The following GPC6 variants were observed in gnomAD, a reference collection of about 807,000 sequenced individuals.
GPC6 encodes glypican 6.
GPC6 carries 14 observed loss-of-function variants against 55.2 expected under a neutral mutation model. The ratio of observed to expected loss-of-function variants is 0.25; its 90% CI spans 0.17 to 0.40. GPC6 has a LOEUF of 0.40. GPC6 is among the 10% of genes least tolerant of loss of function. The probability of loss-of-function intolerance (pLI) is 1.00; values close to 1 mark genes in which losing one functional copy is unlikely to be tolerated. For missense variants in GPC6, 641 were observed against 708.5 expected (o/e 0.90, Z 1.08); for synonymous variants, 278 against 259.6 (o/e 1.07, Z -0.68).
At chr13:93,760,923 A>C in intron 2 of GPC6, among the ~76,000 whole-genome samples, 1 of 152,206 alleles carries the variant, frequency 6.6e-6, no homozygotes, top group East Asian at 1.9e-4. Context: ...ATTGTTCTTA[A>C]GTGCTTCTTA....
intron 1 of GPC6, among the ~76,000 whole-genome samples, chr13:93,541,514 T>G (rs1293332724): frequency 1.5e-5 from 1 of 67,276 alleles, no homozygotes; most frequent in African/African-American, 5.9e-5. Context: ...TATAGCAGTA[T>G]GATTTATAGT....
chr13:93,930,275 G>GTTTTTTTTTGTTTTT, intron 3 of GPC6, among the ~76,000 whole-genome samples: 1 of 123,854 alleles, frequency 8.1e-6, no homozygotes, highest in African/African-American at 3.2e-5. Context: ...GAAACGAAAG[G>GTTTTTTTTTGTTTTT]TTTTTTTTTT....
intron 4 of GPC6, among the ~76,000 whole-genome samples, chr13:94,044,517 G>T (rs1465272748): frequency 6.6e-6 from 1 of 151,868 alleles, no homozygotes; most frequent in East Asian, 1.9e-4. Flanking sequence ...GTACTTCATT[G>T]TTGAATGCAC....
intron 4 of GPC6, among the ~76,000 whole-genome samples, chr13:94,201,310 G>A (rs534734666): frequency 1.6e-4 from 24 of 152,212 alleles, no homozygotes; most frequent in African/African-American, 5.8e-4. Context: ...GCTGACATTG[G>A]CGCTGCGGGA....
intron 2 of GPC6, among the ~76,000 whole-genome samples, chr13:93,771,607 T>C (rs575285045): frequency 1.3e-5 from 2 of 152,070 alleles, no homozygotes; most frequent in South Asian, 4.1e-4. Flanking sequence ...TAAAATAAAG[T>C]AAATACCTAA....
At chr13:93,360,921 T>A (rs539888472) in intron 1 of GPC6, among the ~76,000 whole-genome samples, 44 of 152,296 alleles carry the variant, frequency 2.9e-4, no homozygotes, top group African/African-American at 9.9e-4. Flanking sequence ...GTGTGGCCAG[T>A]GCTTGAGTTC....
intron 3 of GPC6, among the ~76,000 whole-genome samples, chr13:93,994,319 T>C (rs59683419): frequency 0.026 from 3,998 of 152,276 alleles, 185 homozygotes; most frequent in African/African-American, 0.089. Flanking sequence ...AGGAATATAT[T>C]ACCTTTACAA....
intron 1 of GPC6, among the ~76,000 whole-genome samples, chr13:93,337,163 ACT>A (rs1271000753): frequency 1.3e-5 from 2 of 151,914 alleles, no homozygotes; most frequent in Non-Finnish European, 1.5e-5. Flanking sequence ...TCAACCATTC[ACT>A]CTATCCCAGA....
chr13:93,579,279 T>G lies in GPC6; in HGVS notation c.319+33858T>G, dbSNP rs142590553. On this transcript the variant is annotated intron_variant, in intron 2 of 8. Transcript: ENST00000377047. ...TCCTAGCATAGAGAAAAGATAAATA[T>G]TGAAGGTGATGGATATGCCAATTAT... Among the ~76,000 whole-genome samples, 13 of 152,202 alleles carry G rather than the reference T, an allele frequency of 8.5e-5. 1 individual carries two copies. Among genetic ancestry groups the G allele is most frequent in the Non-Finnish European group, 1.6e-4 (11 of 67,986 alleles).
In GPC6 at chr13:94,094,467, G is replaced by T. The variant is rs544982328; in HGVS notation, c.877+66573G>T. ...ATATTACATATAAAACCTACACATG[G>T]TTTGCTTCAAACTGGTAAGTCACGA... is the stretch of plus-strand genomic sequence containing the variant. On this transcript the variant is annotated intron_variant, in intron 4 of 8. Coordinates refer to ENST00000377047, the MANE Select transcript of GPC6 (RefSeq NM_005708.5). Among the ~76,000 whole-genome samples, 4 of 152,152 alleles carry T rather than the reference G, an allele frequency of 2.6e-5. No homozygotes were observed. In the East Asian group the frequency reaches 5.8e-4, roughly 22 times the overall value.
At chr13:93,487,633 C>A (rs1191613818) in intron 1 of GPC6, among the ~76,000 whole-genome samples, 1 of 152,094 alleles carries the variant, frequency 6.6e-6, no homozygotes, top group African/African-American at 2.4e-5. Context: ...TGTCCATACC[C>A]CTTGTTGCTT....
chr13:93,437,348 G>A (rs1695907026), intron 1 of GPC6, among the ~76,000 whole-genome samples: 1 of 152,168 alleles, frequency 6.6e-6, no homozygotes, highest in African/African-American at 2.4e-5. Flanking sequence ...AGTGAGGAAG[G>A]CACGTTGAAA....
chr13:93,890,528 G>A (rs952898659), intron 3 of GPC6, among the ~76,000 whole-genome samples: 6 of 151,962 alleles, frequency 3.9e-5, no homozygotes, highest in African/African-American at 1.4e-4. Context: ...TTATCGAAAG[G>A]GGCACCATCA....
rs545363875 is a variant in GPC6, at chr13:93,227,105, C to T, written c.-352C>T. ...GCCGAGCCCGCAGCGCTCCAGGATTCTGCGGCTCGGAACTCGGATTGCAGC... is the reference window on the plus strand; with the variant it reads ...GCCGAGCCCGCAGCGCTCCAGGATTTTGCGGCTCGGAACTCGGATTGCAGC... On this transcript the variant is annotated 5_prime_UTR_variant, in exon 1 of 9. Coordinates refer to ENST00000377047, the MANE Select transcript of GPC6 (RefSeq NM_005708.5). This position sits in a 1 kb window ranked among gnomAD's most constrained non-coding sequence, Gnocchi z 4.3. The T allele has an allele frequency of 5.6e-6, 1 of 178,440 alleles. No homozygotes were observed. Among genetic ancestry groups the T allele is most frequent in the South Asian group, 1.8e-4 (1 of 5,560 alleles). The allele number at this position is 178,440 out of a possible 1,614,324, so 11.1% of individuals were successfully genotyped here.
chr13:94,229,543 T>C (rs563361957), intron 4 of GPC6, among the ~76,000 whole-genome samples: 68 of 152,248 alleles, frequency 4.5e-4, no homozygotes, highest in African/African-American at 1.4e-3. Context: ...AATTACAAAC[T>C]CCACTTCAGG....
At chr13:93,477,641 G>C (rs1169604350) in intron 1 of GPC6, among the ~76,000 whole-genome samples, 2 of 152,164 alleles carry the variant, frequency 1.3e-5, no homozygotes, top group African/African-American at 4.8e-5. Context: ...GATGTAATCA[G>C]AGCCATATTT....
At chr13:93,693,990 C>T (rs1000928032) in intron 2 of GPC6, among the ~76,000 whole-genome samples, 7 of 152,088 alleles carry the variant, frequency 4.6e-5, no homozygotes, top group Non-Finnish European at 7.4e-5. Context: ...ACTGAATAAG[C>T]TTTTATTCTG....
At chr13:93,991,822 A>G (rs1025771059) in intron 3 of GPC6, among the ~76,000 whole-genome samples, 14 of 152,216 alleles carry the variant, frequency 9.2e-5, no homozygotes, top group African/African-American at 3.1e-4. Context: ...ATGTCTTAGT[A>G]TGTGTAATGA....
intron 1 of GPC6, among the ~76,000 whole-genome samples, chr13:93,406,238 C>A (rs1372157595): frequency 6.6e-6 from 1 of 152,180 alleles, no homozygotes; most frequent in Non-Finnish European, 1.5e-5. Context: ...GCCACACGAT[C>A]AGTTAAAACA....
Sources: allele counts gnomAD v4.1 joint callset (sites outside exome capture counted in the v4.1 genomes callset), GRCh38; gene constraint gnomAD v4.1.1; non-coding constraint Gnocchi (gnomAD v3.1); transcripts MANE v1.5; gene names NCBI Gene and HGNC (gene_info 2026-07-23, HGNC 2026-07-21).